Variants in CCNL1 observed in about 807,000 individuals in gnomAD.
CCNL1 encodes the protein cyclin L1.
In CCNL1, 13 loss-of-function variants were observed where a neutral mutation model predicts 60.6. That is an observed-to-expected ratio of 0.21 (90% CI 0.14 to 0.34). The LOEUF (loss-of-function observed/expected upper bound fraction) is 0.34, where lower values mean the gene tolerates loss of function less well. Ranked by LOEUF, CCNL1 falls within the 10% of genes least tolerant of loss-of-function variation. The pLI, the probability that CCNL1 is intolerant of heterozygous loss-of-function variation, is 1.00. For synonymous variants in CCNL1, 270 were observed against 244.3 expected (o/e 1.10, Z -0.98); for missense variants, 481 against 664.3 (o/e 0.72, Z 3.03).
intron 3 of CCNL1, 86 bp from the exon 4 acceptor site, chr3:157,153,242 A>C: frequency 7.2e-7 from 1 of 1,383,628 alleles, no homozygotes; most frequent in Non-Finnish European, 9.9e-7. Context: ...CTTCCAACCA[A>C]CTATTGGCAA....
downstream of CCNL1, among the ~76,000 whole-genome samples, chr3:157,143,975 T>C (rs975727566): frequency 6.6e-6 from 1 of 152,086 alleles, no homozygotes; most frequent in Non-Finnish European, 1.5e-5. Context: ...AAAGAAAGGA[T>C]TGTGGCAAAG....
chr3:157,149,195 T>G (rs1306685390), intron 10 of CCNL1, 92 bp downstream of exon 10: 1 of 1,060,412 alleles, frequency 9.4e-7, no homozygotes, highest in Non-Finnish European at 1.4e-6. Context: ...TAACCTAACT[T>G]TGAAAATAAT....
At chr3:157,149,015 A>T (rs112044175) in intron 10 of CCNL1, 6 of 360,722 alleles carry the variant, frequency 1.7e-5, no homozygotes, top group African/African-American at 1.3e-4. Context: ...AAAAAAAAGA[A>T]GTTTTCACAT....
At chr3:157,149,656 G>T in intron 8 of CCNL1, 60 bp from the exon 9 acceptor site, 1 of 1,523,798 alleles carries the variant, frequency 6.6e-7, no homozygotes, top group Non-Finnish European at 9.0e-7. Flanking sequence ...GCCAAAAGTT[G>T]TTTCTAAATG....
At chr3:157,154,651 C>G (rs1255517588) in intron 3 of CCNL1, 1 of 152,154 alleles carries the variant, frequency 6.6e-6, no homozygotes, top group African/African-American at 2.4e-5. Flanking sequence ...ATTTTCCTTA[C>G]TTTCTTCCAT....
At position 157,152,249 on chromosome 3, in the gene CCNL1, A is replaced by G. The variant is rs1348140701; in HGVS notation, c.610-8T>C. 1 of 1,605,504 alleles carries G rather than the reference A, an allele frequency of 6.2e-7. No homozygotes were observed. The highest frequency in any genetic ancestry group is 1.1e-5 in the South Asian group (1 of 88,698). ...TAAATACATAACAATGATCTGAAGG[A>G]CAAGGGAAAAAAACTCAATTCAGTA... On this transcript the variant is annotated splice_region_variant and splice_polypyrimidine_tract_variant and intron_variant, in intron 4 of 10. Coordinates refer to ENST00000295926, the MANE Select transcript of CCNL1 (RefSeq NM_020307.4).
rs1282300852 is a variant in CCNL1, at chr3:157,160,108, C to T, written c.-14G>A. On this transcript the variant is annotated 5_prime_UTR_variant, in exon 1 of 11. Coordinates refer to ENST00000295926, the MANE Select transcript of CCNL1 (RefSeq NM_020307.4). The stretch of plus-strand genomic sequence containing the variant: ...CCCGGACGCCATAGTCTTAGCGAGC[C>T]GCACGCAAGCCCAACGCAGCCGGAA... The T allele has an allele frequency of 5.9e-6, 9 of 1,534,536 alleles. No homozygotes were observed. The Admixed American group carries it at 1.4e-4, about 24-fold the overall frequency.
chr3:157,144,525 T>C (rs936865255), downstream of CCNL1, among the ~76,000 whole-genome samples: 1 of 152,256 alleles, frequency 6.6e-6, no homozygotes, highest in Non-Finnish European at 1.5e-5. Flanking sequence ...AATGGAATGT[T>C]CAAATGATTA....
chr3:157,159,557 G>A (rs1738906519), intron 1 of CCNL1, 78 bp from the exon 2 acceptor site: 3 of 1,372,670 alleles, frequency 2.2e-6, no homozygotes, highest in South Asian at 1.2e-5. Flanking sequence ...TTGTGCCGCC[G>A]ATCGCTTCCC....
chr3:157,149,338 C>A lies in CCNL1; in HGVS notation c.1181G>T (p.Arg394Leu). The change falls in exon 10 of 11, where the codon CGA becomes CTA. Residue 394 changes from arginine (R) to leucine (L), a missense_variant. This residue lies in a region of CCNL1 where 197 missense variants were observed against 233.9 expected (regional missense o/e 0.84). Coordinates refer to ENST00000295926, the MANE Select transcript of CCNL1 (RefSeq NM_020307.4). ...ACGTGATCGTGTTCTTGACCTCGAT[C>A]GACTTGCACTTCTGCTATTTCTACT... ...KRSRNSRSAS[R>L]SRSRTRSRSR... 4 of 1,614,050 alleles carry A rather than the reference C, an allele frequency of 2.5e-6. No individual in the cohort carries two copies. The highest frequency in any genetic ancestry group is 3.4e-6 in the Non-Finnish European group (4 of 1,179,978).
At chr3:157,145,735 A>G (rs1029124628), downstream of CCNL1, among the ~76,000 whole-genome samples, 1 of 152,176 alleles carries the variant, frequency 6.6e-6, no homozygotes, top group African/African-American at 2.4e-5. Context: ...AAGTAAAAAA[A>G]TTAAACCTAA....
chr3:157,143,553 TAC>T (rs1737703602), downstream of CCNL1, among the ~76,000 whole-genome samples: 1 of 152,224 alleles, frequency 6.6e-6, no homozygotes, highest in Non-Finnish European at 1.5e-5. Flanking sequence ...ATGAATAAAC[TAC>T]AGAGCTGCCC....
intron 3 of CCNL1, 113 bp downstream of exon 3, chr3:157,158,753 G>A (rs1319009427): frequency 4.7e-6 from 3 of 643,442 alleles, no homozygotes; most frequent in African/African-American, 3.7e-5. Context: ...CTAAATTAAA[G>A]TCCGTTTTCT....
At chr3:157,152,124 T>C in intron 5 of CCNL1, 53 bp downstream of exon 5, 1 of 1,589,926 alleles carries the variant, frequency 6.3e-7, no homozygotes. Context: ...AAACTTACTT[T>C]ATTTCTGCTT....
intron 1 of CCNL1, 35 bp from the exon 2 acceptor site, chr3:157,159,514 TCAGGCGGGCCCGCTC>T (rs1382048858): frequency 5.0e-6 from 8 of 1,585,916 alleles, no homozygotes; most frequent in Non-Finnish European, 6.0e-6. Flanking sequence ...AGCGCAGGGG[TCAGGCGGGCCCGCTC>T]CAGGCGCCGC....
Position 157,147,998 on chromosome 3 carries a change from C to T in CCNL1, c.*243G>A, listed in dbSNP as rs570175527. The stretch of plus-strand genomic sequence containing the variant: ...TCTTATAGCAATAAACAATACACAA[C>T]TATAATAAAGTACAATTGAACCTGA... On this transcript the variant is annotated 3_prime_UTR_variant, in exon 11 of 11. Coordinates refer to ENST00000295926, the MANE Select transcript of CCNL1 (RefSeq NM_020307.4). 7.9e-7 allele frequency: 1 copy of T among 1,268,794 alleles called. No homozygotes were observed. The highest frequency in any genetic ancestry group is 1.5e-5 in the African/African-American group (1 of 65,950). The allele number at this position is 1,268,794 out of a possible 1,614,324, so 78.6% of individuals were successfully genotyped here. A position where few individuals can be genotyped will look rare whatever the true frequency, so the allele number is the denominator to read the frequency against.
At chr3:157,150,420 A>C in intron 5 of CCNL1, 39 bp from the exon 6 acceptor site, 3 of 1,595,016 alleles carry the variant, frequency 1.9e-6, no homozygotes, top group Non-Finnish European at 2.6e-6. Context: ...ATGTAAACAA[A>C]CCAGTTCTTC....
At chr3:157,158,649 T>C (rs1459327002) in intron 3 of CCNL1, 2 of 417,910 alleles carry the variant, frequency 4.8e-6, no homozygotes, top group African/African-American at 4.1e-5. Flanking sequence ...TGTCCATAAA[T>C]GCAACTGCCT....
chr3:157,152,086 TATCTC>T, intron 5 of CCNL1, 86 bp downstream of exon 5: 1 of 1,556,352 alleles, frequency 6.4e-7, no homozygotes. Flanking sequence ...CAAACAAACT[TATCTC>T]ATTATTTTGG....
Sources: gnomAD v4.1 joint callset for allele counts (sites outside exome capture counted in the v4.1 genomes callset) on GRCh38, gnomAD v4.1.1 for gene constraint, gnomAD v4.1.1 regional missense constraint, MANE v1.5 for transcripts, NCBI Gene and HGNC (gene_info 2026-07-23, HGNC 2026-07-21) for gene names.